Variants in BCAR3 observed in about 807,000 individuals in gnomAD.
BCAR3 encodes the protein breast cancer anti-estrogen resistance protein 3.
A neutral mutation model predicts 80.1 loss-of-function variants in BCAR3; 37 were observed. The ratio of observed to expected loss-of-function variants is 0.46; its 90% CI spans 0.36 to 0.61. The LOEUF is 0.61. Ranked by LOEUF, BCAR3 falls within the 20% of genes least tolerant of loss-of-function variation. The pLI, the probability that BCAR3 is intolerant of heterozygous loss-of-function variation, is 0.00. For missense variants in BCAR3, 978 were observed against 1,068.2 expected (o/e 0.92, Z 1.18); for synonymous variants, 389 against 418.9 (o/e 0.93, Z 0.87).
intron 1 of BCAR3, among the ~76,000 whole-genome samples, chr1:93,846,521 C>G (rs540762070): frequency 4.6e-5 from 7 of 152,264 alleles, no homozygotes; most frequent in Non-Finnish European, 8.8e-5. Flanking sequence ...GCACTGGAAA[C>G]CTGCCGGCCC....
intron 9 of BCAR3, among the ~76,000 whole-genome samples, chr1:93,570,096 C>T (rs1673147728): frequency 1.3e-5 from 2 of 152,328 alleles, no homozygotes; most frequent in South Asian, 4.1e-4. Context: ...ACCAGTCTAC[C>T]TGAAGAATTC....
intron 2 of BCAR3, among the ~76,000 whole-genome samples, chr1:93,741,167 T>C (rs116419949): frequency 0.019 from 2,897 of 152,294 alleles, 92 homozygotes; most frequent in African/African-American, 0.066. Context: ...TAACATCAGT[T>C]AATGGTAGGG....
intron 3 of BCAR3, among the ~76,000 whole-genome samples, chr1:93,623,185 G>T (rs1024379466): frequency 1.4e-4 from 22 of 152,114 alleles, no homozygotes; most frequent in Non-Finnish European, 2.2e-4. Flanking sequence ...GACTTGAAAA[G>T]ATTTTCTTTT....
chr1:93,622,834 C>T (rs767421841), intron 3 of BCAR3, among the ~76,000 whole-genome samples: 4 of 152,170 alleles, frequency 2.6e-5, no homozygotes, highest in Non-Finnish European at 1.5e-5. Flanking sequence ...ACAATAAATT[C>T]CTTTGCCAGT....
chr1:93,807,128 T>C (rs567878137), intron 2 of BCAR3, among the ~76,000 whole-genome samples: 2 of 152,084 alleles, frequency 1.3e-5, no homozygotes, highest in East Asian at 3.9e-4. Flanking sequence ...AATAGTAGAA[T>C]TTTCTAAAAT....
chr1:93,661,419 T>C (rs1388097697), intron 2 of BCAR3, among the ~76,000 whole-genome samples: 1 of 151,980 alleles, frequency 6.6e-6, no homozygotes, highest in Non-Finnish European at 1.5e-5. Flanking sequence ...TGACCTCAAG[T>C]GATCTGCCAG....
At chr1:93,725,594 T>C (rs1051366421) in intron 2 of BCAR3, among the ~76,000 whole-genome samples, 2 of 152,240 alleles carry the variant, frequency 1.3e-5, no homozygotes, top group Admixed American at 6.5e-5. Context: ...TTTTTCTATT[T>C]CTTTGTGGTA....
chr1:93,799,007 T>C (rs889520090), intron 2 of BCAR3, among the ~76,000 whole-genome samples: 1 of 152,120 alleles, frequency 6.6e-6, no homozygotes, highest in East Asian at 1.9e-4. Context: ...AGCCAATCAG[T>C]TGACAGAAAA....
chr1:93,575,177 C>T (rs145142037), intron 8 of BCAR3, among the ~76,000 whole-genome samples: 6 of 152,282 alleles, frequency 3.9e-5, no homozygotes, highest in East Asian at 1.9e-4. Flanking sequence ...GTGCAGAATG[C>T]GTCTGTTACC....
At chr1:93,783,832 G>T (rs1247045462) in intron 2 of BCAR3, among the ~76,000 whole-genome samples, 2 of 152,326 alleles carry the variant, frequency 1.3e-5, no homozygotes, top group Non-Finnish European at 2.9e-5. Context: ...ATCAAGGACA[G>T]TGTAGTCAGT....
chr1:93,695,540 C>T (rs988218477), intron 3 of BCAR3, among the ~76,000 whole-genome samples: 2 of 152,190 alleles, frequency 1.3e-5, no homozygotes, highest in Non-Finnish European at 2.9e-5. Flanking sequence ...TCTTTAATGC[C>T]TCCCTCTCAG....
intron 2 of BCAR3, among the ~76,000 whole-genome samples, chr1:93,837,302 C>T (rs1557705194): frequency 1.3e-5 from 2 of 152,200 alleles, no homozygotes; most frequent in Admixed American, 1.3e-4. Context: ...TGGACTAATA[C>T]AGCTAGCAAT....
At position 93,831,981 on chromosome 1, in the gene BCAR3, G is replaced by A. The variant is rs1019561372; in HGVS notation, c.-63+13586C>T. Among the ~76,000 whole-genome samples, 5 of 152,130 alleles carry A rather than the reference G, an allele frequency of 3.3e-5. 1 individual carries two copies. The highest frequency in any genetic ancestry group is 9.6e-5 in the African/African-American group (4 of 41,490). The stretch of plus-strand genomic sequence containing the variant: ...AATATAAACACTCAACCCAGTTCAC[G>A]GCCCATCTGGCAACAACCCTTAGAT... On this transcript the variant is annotated intron_variant, in intron 2 of 13. Coordinates refer to the BCAR3 transcript ENST00000370244.
rs749096646 is a variant in BCAR3, at chr1:93,562,366, G to T, written c.2353C>A (p.Arg785=). 2.5e-6 allele frequency: 4 copies of T among 1,613,952 alleles called. No individual in the cohort carries two copies. In the African/African-American group the frequency reaches 4.0e-5, roughly 16 times the overall value. ...GCACCTTTGCTGCCCCATAGCAATC[G>T]CATTTGAAATTCAGTCTTGCAGATT... ...NEICKTEFQM[R]LLWGSKGAQV... is the part of the protein sequence containing the mutation. The change falls in exon 12 of 12, where the codon CGA becomes AGA. Residue 785 remains arginine, a synonymous_variant. Transcript: ENST00000260502.
intron 2 of BCAR3, among the ~76,000 whole-genome samples, chr1:93,794,227 G>A (rs1265992540): frequency 1.4e-5 from 1 of 72,310 alleles, no homozygotes; most frequent in Non-Finnish European, 2.3e-5. Flanking sequence ...TTTCTGTCTC[G>A]TTGATCTGTC....
intron 2 of BCAR3, among the ~76,000 whole-genome samples, chr1:93,777,414 T>TTCC (rs1285009044): frequency 1.2e-4 from 14 of 113,226 alleles, no homozygotes; most frequent in East Asian, 2.2e-4. Context: ...CCTCCTCCTC[T>TTCC]TCCTCCTCCT....
intron 3 of BCAR3, among the ~76,000 whole-genome samples, chr1:93,623,251 A>G (rs1197396061): frequency 6.6e-6 from 1 of 152,230 alleles, no homozygotes; most frequent in Non-Finnish European, 1.5e-5. Context: ...TCCTGAATAG[A>G]GATAATAGAA....
intron 2 of BCAR3, among the ~76,000 whole-genome samples, chr1:93,789,595 T>C (rs929557618): frequency 5.3e-5 from 8 of 152,148 alleles, no homozygotes; most frequent in African/African-American, 1.9e-4. Context: ...GACCAAATAA[T>C]AAGAAATTTG....
rs949357218 is a variant in BCAR3 at position 93,562,063 on chromosome 1, T to G, written c.*178A>C. ...ATTCATTTTAAAATCAGTAGTAACT[T>G]TAGACAATTCATAAATAAGTGTGCT... On this transcript the variant is annotated 3_prime_UTR_variant, in exon 12 of 12. Transcript: ENST00000260502. 4.4e-5 allele frequency: 23 copies of G among 520,836 alleles called. No individual in the cohort carries two copies. The highest frequency in any genetic ancestry group is 6.8e-5 in the Non-Finnish European group (22 of 322,286). The allele number at this position is 520,836 out of a possible 1,614,324, so 32.3% of individuals were successfully genotyped here. A position where few individuals can be genotyped will look rare whatever the true frequency, so the allele number is the denominator to read the frequency against.
Sources: allele counts gnomAD v4.1 joint callset (sites outside exome capture counted in the v4.1 genomes callset), GRCh38; gene constraint gnomAD v4.1.1; transcripts MANE v1.5; gene names NCBI Gene and HGNC (gene_info 2026-07-23, HGNC 2026-07-21).